The following OAS3 variants were observed in gnomAD, a reference collection of about 807,000 sequenced individuals.
OAS3 encodes 2'-5'-oligoadenylate synthase 3.
OAS3 carries 107 observed loss-of-function variants against 113.0 expected under a neutral mutation model. The observed-to-expected ratio is 0.95, with a 90% confidence interval of 0.81 to 1.11. The LOEUF is 1.11. OAS3 is among the 50% of genes most tolerant of loss of function. The pLI, the probability that OAS3 is intolerant of heterozygous loss-of-function variation, is 0.00. For synonymous variants in OAS3, 552 were observed against 573.6 expected (o/e 0.96, Z 0.54); for missense variants, 1,258 against 1,389.1 (o/e 0.91, Z 1.50).
chr12:112,962,248 G>T (rs2043893350), intron 8 of OAS3, among the ~76,000 whole-genome samples: 1 of 152,194 alleles, frequency 6.6e-6, no homozygotes, highest in Non-Finnish European at 1.5e-5. Flanking sequence ...GATGGACACT[G>T]GGATACCAAG....
intron 7 of OAS3, among the ~76,000 whole-genome samples, chr12:112,951,452 T>C (rs1472154398): frequency 2.0e-5 from 3 of 152,146 alleles, no homozygotes; most frequent in African/African-American, 7.2e-5. Flanking sequence ...GGCAAATCTT[T>C]TGTTTGACAT....
At chr12:112,943,908 G>A (rs985458045) in intron 2 of OAS3, among the ~76,000 whole-genome samples, 2 of 151,898 alleles carry the variant, frequency 1.3e-5, no homozygotes, top group African/African-American at 4.8e-5. Context: ...GGCCAGGCTG[G>A]TCTCGAACTC....
At position 112,949,235 on chromosome 12, in the gene OAS3, G is replaced by A. The variant is rs777509232; in HGVS notation, c.1374+30G>A. 11 of 1,585,812 alleles carry A rather than the reference G, an allele frequency of 6.9e-6. No individual in the cohort carries two copies. In the South Asian group the frequency reaches 1.2e-4, roughly 18 times the overall value. On this transcript the variant is annotated intron_variant, in intron 6 of 15. Coordinates refer to ENST00000228928, the MANE Select transcript of OAS3 (RefSeq NM_006187.4). ...GTTGGGCCAGTGGAGACACAGGGGG[G>A]ACCCTATCGAGGGATCAGCGTGGGG...
Position 112,969,631 on chromosome 12 carries a change from A to G in OAS3, c.3128A>G (p.Asp1043Gly), listed in dbSNP as rs776280085. Residue 1043 changes from aspartate to glycine, a missense_variant, in exon 15 of 16, where the codon GAC becomes GGC. Transcript: ENST00000228928. ...AGGCCTATCATCCTGGATCCGGCTG[A>G]CCCGACAGGCAACCTGGGCCACAAT... The part of the protein sequence containing the change: ...KPRPIILDPA[D>G]PTGNLGHNAR... 1.9e-6 allele frequency: 3 copies of G among 1,602,694 alleles called. No individual in the cohort carries two copies. Among genetic ancestry groups the G allele is most frequent in the East Asian group, 4.5e-5 (2 of 44,386 alleles).
rs377569940 is a variant in OAS3, at chr12:112,969,717, G to A, written c.3214G>A (p.Gly1072Arg). ...AACTSALCCM[G>R]RNGIPIQPWP... is the part of the protein sequence containing the mutation. Reference sequence around the variant, plus strand: ...CTGCACATCTGCCCTGTGCTGCATGGGACGGAATGGCATCCCCATCCAGCC... The same window carrying A: ...CTGCACATCTGCCCTGTGCTGCATGAGACGGAATGGCATCCCCATCCAGCC... Residue 1072 changes from glycine (G) to arginine (R), a missense_variant, in exon 15 of 16, where the codon GGA becomes AGA. Physicochemically the swap from Gly to Arg is moderately radical, Grantham distance 125 (BLOSUM62 -2). Transcript: ENST00000228928. The A allele has an allele frequency of 4.3e-6, 7 of 1,613,410 alleles. No homozygotes were observed. The highest frequency in any genetic ancestry group is 5.9e-6 in the Non-Finnish European group (7 of 1,179,710).
chr12:112,969,805 A>T lies in OAS3; in HGVS notation c.3252+50A>T, dbSNP rs1297830146. On this transcript the variant is annotated intron_variant, in intron 15 of 15. Transcript: ENST00000228928. ...AAGTACCCTTTAGGGGTAAGGGGGGAGCATGGTCAGGGGAGGGACATGATT... is the reference window on the plus strand; with the variant it reads ...AAGTACCCTTTAGGGGTAAGGGGGGTGCATGGTCAGGGGAGGGACATGATT... The T allele has an allele frequency of 3.7e-6, 6 of 1,603,954 alleles. No individual in the cohort carries two copies. The South Asian group carries it at 6.7e-5, about 18-fold the overall frequency.
chr12:112,958,396 GT>G (rs1305916769), intron 7 of OAS3, among the ~76,000 whole-genome samples: 1 of 152,260 alleles, frequency 6.6e-6, no homozygotes, highest in Non-Finnish European at 1.5e-5. Context: ...GAGGAGCTGC[GT>G]TCCTTTGGAG....
chr12:112,956,976 A>G (rs919155704), intron 7 of OAS3, among the ~76,000 whole-genome samples: 1 of 152,122 alleles, frequency 6.6e-6, no homozygotes. Flanking sequence ...GAGTCTAAGT[A>G]TCTTTGTAGG....
intron 7 of OAS3, among the ~76,000 whole-genome samples, chr12:112,957,888 G>A (rs1282852780): frequency 1.3e-5 from 2 of 152,184 alleles, no homozygotes; most frequent in Non-Finnish European, 2.9e-5. Flanking sequence ...GGCCTGCCTT[G>A]CTAGGTTGGG....
rs772041590 is a variant in OAS3 at position 112,946,740 on chromosome 12, C to T, written c.637-3C>T. Reference sequence around the variant, plus strand: ...TGAGTCCCCTGCCGATGCCCTCTCACAGGTGTGCCTACAGGGGTTGTGGAA... The same window carrying T: ...TGAGTCCCCTGCCGATGCCCTCTCATAGGTGTGCCTACAGGGGTTGTGGAA... On this transcript the variant is annotated splice_polypyrimidine_tract_variant and splice_region_variant and intron_variant, in intron 3 of 15. Transcript: ENST00000228928. 1.0e-5 allele frequency: 16 copies of T among 1,604,774 alleles called. No individual in the cohort carries two copies. In the East Asian group the frequency reaches 3.6e-4, roughly 36 times the overall value.
rs200770928 is a variant in OAS3 at position 112,944,476 on chromosome 12, G to T, written c.461G>T (p.Gly154Val). 1,911 of 1,613,856 alleles carry T rather than the reference G, an allele frequency of 1.2e-3. 1 individual carries two copies. The highest frequency in any genetic ancestry group is 1.5e-3 in the Non-Finnish European group (1,805 of 1,179,850). ...AACTCACAGCGCTTCACACCAACAGGTCAGGCCGGCTCCGGCGTCAAACCC... is the reference window on the plus strand; with the variant it reads ...AACTCACAGCGCTTCACACCAACAGTTCAGGCCGGCTCCGGCGTCAAACCC... ...VSLVPAFNVL[G>V]QAGSGVKPKP... The change falls in exon 3 of 16, where the codon GGT becomes GTT. Residue 154 changes from glycine to valine, a missense_variant and splice_region_variant. By Grantham distance (109) the Gly-to-Val change is moderately radical (BLOSUM62 -3). Transcript: ENST00000228928.
At position 112,941,779 on chromosome 12, in the gene OAS3, G is replaced by A; in HGVS notation, c.387G>A (p.Leu129=). ...TFPEQSVPGA[L]QFRLTSVDLE... ...CTGAGCAGAGCGTGCCTGGGGCCCT[G>A]CAGTTCCGCCTGACATCCGTAGATC... is the stretch of plus-strand genomic sequence containing the variant. The change falls in exon 2 of 16, where the codon CTG becomes CTA. Residue 129 remains leucine, a synonymous_variant. Transcript: ENST00000228928. The A allele has an allele frequency of 6.2e-7, 1 of 1,614,038 alleles. No individual in the cohort carries two copies. The highest frequency in any genetic ancestry group is 1.1e-5 in the South Asian group (1 of 91,082).
intron 7 of OAS3, 102 bp downstream of exon 7, chr12:112,951,077 G>C: frequency 1.6e-6 from 2 of 1,253,652 alleles, no homozygotes; most frequent in Non-Finnish European, 2.2e-6. Context: ...TCTCCTACTT[G>C]ACCAAGCATT....
rs1298702229 is a variant in OAS3 at position 112,970,722 on chromosome 12, T to G, written c.*749T>G. On this transcript the variant is annotated 3_prime_UTR_variant, in exon 16 of 16. Transcript: ENST00000228928. ...AGCATGCCCATATTGGCTTACTTTG[T>G]CTGCCACAGACACAGACAGAGGGAG... is the stretch of plus-strand genomic sequence containing the variant. The G allele has an allele frequency of 2.0e-5, 3 of 152,374 alleles. No individual in the cohort carries two copies. Among genetic ancestry groups the G allele is most frequent in the Non-Finnish European group, 4.4e-5 (3 of 68,172 alleles). The allele number at this position is 152,374 out of a possible 1,614,324, so 9.4% of individuals were successfully genotyped here. A position where few individuals can be genotyped will look rare whatever the true frequency, so the allele number is the denominator to read the frequency against.
intron 6 of OAS3, among the ~76,000 whole-genome samples, chr12:112,950,370 C>G (rs190863162): frequency 6.6e-6 from 1 of 152,328 alleles, no homozygotes; most frequent in African/African-American, 2.4e-5. Context: ...GATGTGCAGT[C>G]AGTAGATGCT....
rs528579344 is a variant in OAS3 at position 112,949,717 on chromosome 12, C to T, written c.1374+512C>T. ...CCTCGTCCACTGAGGCCTGACCACA[C>T]GATTTAAAATTGCAGTCTTGCCCGG... On this transcript the variant is annotated intron_variant, in intron 6 of 15. Coordinates refer to ENST00000228928, the MANE Select transcript of OAS3 (RefSeq NM_006187.4). Among the ~76,000 whole-genome samples, 12 of 152,310 alleles carry T rather than the reference C, an allele frequency of 7.9e-5. No homozygotes were observed. The South Asian group carries it at 1.7e-3, about 21-fold the overall frequency.
At position 112,944,492 on chromosome 12, in the gene OAS3, C is replaced by T. The variant is rs761727164; in HGVS notation, c.477C>T (p.Gly159=). The change falls in exon 3 of 16, where the codon GGC becomes GGT. Residue 159 remains glycine, a synonymous_variant. Coordinates refer to ENST00000228928, the MANE Select transcript of OAS3 (RefSeq NM_006187.4). ...CACCAACAGGTCAGGCCGGCTCCGG[C>T]GTCAAACCCAAGCCACAAGTCTACT... is the stretch of plus-strand genomic sequence containing the variant. ...AFNVLGQAGS[G]VKPKPQVYST... 35 of 1,613,906 alleles carry T rather than the reference C, an allele frequency of 2.2e-5. No homozygotes were observed. Among genetic ancestry groups the T allele is most frequent in the Middle Eastern group, 3.3e-4 (2 of 6,082 alleles).
Position 112,950,714 on chromosome 12 carries a change from A to G in OAS3, c.1396A>G (p.Thr466Ala), listed in dbSNP as rs779409861. ...ACAGGGGGGCTCATTTGGCCGGGGC[A>G]CAGACCTAAGGGATGGCTGTGATGT... ...VSKGGSFGRG[T>A]DLRDGCDVEL... The change falls in exon 7 of 16, where the codon ACA becomes GCA. Residue 466 changes from threonine (T) to alanine (A), a missense_variant. By Grantham distance (58) the Thr-to-Ala change is moderately conservative. Transcript: ENST00000228928. The G allele has an allele frequency of 1.9e-5, 31 of 1,613,914 alleles. No homozygotes were observed. Among genetic ancestry groups the G allele is most frequent in the Non-Finnish European group, 2.6e-5 (31 of 1,179,898 alleles).
chr12:112,939,927 G>A (rs576470088), intron 1 of OAS3, among the ~76,000 whole-genome samples: 4 of 152,242 alleles, frequency 2.6e-5, no homozygotes, highest in African/African-American at 7.2e-5. Context: ...GGTGGGGAAG[G>A]AGGAGACACT....
Sources: allele counts gnomAD v4.1 joint callset (sites outside exome capture counted in the v4.1 genomes callset), GRCh38; gene constraint gnomAD v4.1.1; transcripts MANE v1.5; gene names NCBI Gene and HGNC (gene_info 2026-07-23, HGNC 2026-07-21).